XYLT1: variants seen among roughly 807,000 people sequenced by gnomAD.
XYLT1 encodes beta-D-xylosyltransferase 1.
XYLT1 carries 36 observed loss-of-function variants against 91.3 expected under a neutral mutation model. The observed-to-expected ratio is 0.39, with a 90% CI of 0.30 to 0.52. The LOEUF (loss-of-function observed/expected upper bound fraction) is 0.52, where lower values mean the gene tolerates loss of function less well. XYLT1 is among the 20% of genes least tolerant of loss of function. The pLI is 0.68. For missense variants in XYLT1, 1,242 were observed against 1,284.5 expected (o/e 0.97, Z 0.51); for synonymous variants, 588 against 532.0 (o/e 1.11, Z -1.45).
intron 2 of XYLT1, among the ~76,000 whole-genome samples, chr16:17,318,790 C>CTTTTTTTTTT (rs58376375): frequency 2.1e-5 from 3 of 142,642 alleles, no homozygotes. Context: ...TCTGCTTACT[C>CTTTTTTTTTT]TTTTTTTTTT....
chr16:17,327,562 C>T (rs1161499564), intron 2 of XYLT1, among the ~76,000 whole-genome samples: 3 of 137,480 alleles, frequency 2.2e-5, no homozygotes, highest in African/African-American at 5.5e-5. Flanking sequence ...CGGAGTTTCA[C>T]CGTGTTAGCC....
chr16:17,380,803 T>C (rs1034239570), intron 1 of XYLT1, among the ~76,000 whole-genome samples: 2 of 152,188 alleles, frequency 1.3e-5, no homozygotes, highest in Non-Finnish European at 2.9e-5. Flanking sequence ...ACACATACCA[T>C]GGACTAGTCA....
chr16:17,144,121 T>C (rs183115933), intron 6 of XYLT1, among the ~76,000 whole-genome samples: 79 of 149,348 alleles, frequency 5.3e-4, no homozygotes, highest in African/African-American at 1.9e-3. Flanking sequence ...TTTCTGTGAT[T>C]CTGTGATTAC....
chr16:17,150,659 GAGGGGAATCA>G (rs1441323724), intron 6 of XYLT1, among the ~76,000 whole-genome samples: 1 of 152,194 alleles, frequency 6.6e-6, no homozygotes, highest in African/African-American at 2.4e-5. Context: ...GAGTGGCAAT[GAGGGGAATCA>G]AGCCTTAGTG....
intron 3 of XYLT1, among the ~76,000 whole-genome samples, chr16:17,219,237 T>C (rs1429624277): frequency 7.5e-6 from 1 of 133,246 alleles, no homozygotes; most frequent in African/African-American, 2.8e-5. Context: ...GCTGAGGTCG[T>C]GCCACTGTGC....
intron 1 of XYLT1, among the ~76,000 whole-genome samples, chr16:17,400,629 GAGGAAGGAAGGA>G (rs139881259): frequency 0.078 from 10,386 of 132,662 alleles, 485 homozygotes; most frequent in African/African-American, 0.12. Flanking sequence ...GGGAGGAAGG[GAGGAAGGAAGGA>G]AGGAAGGAAG....
chr16:17,264,325 T>C (rs2033769559), intron 2 of XYLT1, among the ~76,000 whole-genome samples: 1 of 152,234 alleles, frequency 6.6e-6, no homozygotes, highest in Non-Finnish European at 1.5e-5. Flanking sequence ...TAAACACGTG[T>C]ACTATCTGTC....
At chr16:17,211,531 T>C (rs551811963) in intron 3 of XYLT1, among the ~76,000 whole-genome samples, 6 of 152,300 alleles carry the variant, frequency 3.9e-5, no homozygotes, top group Admixed American at 2.0e-4. Context: ...TGTGGTTCTT[T>C]CACTCATGAG....
At chr16:17,188,904 G>A (rs544072588) in intron 5 of XYLT1, among the ~76,000 whole-genome samples, 6 of 152,168 alleles carry the variant, frequency 3.9e-5, no homozygotes, top group Non-Finnish European at 4.4e-5. Flanking sequence ...AAGAAGCTGC[G>A]ATTTGGACCC....
chr16:17,322,508 C>G (rs2034739645), intron 2 of XYLT1, among the ~76,000 whole-genome samples: 1 of 152,150 alleles, frequency 6.6e-6, no homozygotes, highest in Non-Finnish European at 1.5e-5. Context: ...CAGAATCTGG[C>G]TCACTCCCAC....
At chr16:17,270,794 GCACA>G (rs1441502795) in intron 2 of XYLT1, among the ~76,000 whole-genome samples, 1 of 152,188 alleles carries the variant, frequency 6.6e-6, no homozygotes, top group African/African-American at 2.4e-5. Flanking sequence ...GCCCATTCGT[GCACA>G]CACTGAAGGT....
intron 3 of XYLT1, among the ~76,000 whole-genome samples, chr16:17,235,168 G>C: frequency 6.6e-6 from 1 of 152,112 alleles, no homozygotes; most frequent in East Asian, 1.9e-4. Context: ...ACTGATGCCT[G>C]ATTAAATGTA....
chr16:17,428,376 C>T (rs897545339), intron 1 of XYLT1, among the ~76,000 whole-genome samples: 1 of 152,190 alleles, frequency 6.6e-6, no homozygotes, highest in African/African-American at 2.4e-5. Flanking sequence ...GACCCTGTCA[C>T]TTTCCAGCTG....
At chr16:17,258,797 CA>C (rs1330132102) in intron 3 of XYLT1, among the ~76,000 whole-genome samples, 190 bp downstream of exon 3, 2 of 151,824 alleles carry the variant, frequency 1.3e-5, no homozygotes, top group African/African-American at 4.8e-5. Context: ...TCTGATTTTG[CA>C]AAATTTTTCT....
At chr16:17,447,571 T>C (rs1445728008) in intron 1 of XYLT1, among the ~76,000 whole-genome samples, 1 of 152,260 alleles carries the variant, frequency 6.6e-6, no homozygotes, top group African/African-American at 2.4e-5. Flanking sequence ...CAGGGGCTCA[T>C]ATTTTAAGAC....
chr16:17,120,664 T>TA (rs1297903498), intron 10 of XYLT1, among the ~76,000 whole-genome samples: 3 of 152,150 alleles, frequency 2.0e-5, no homozygotes, highest in Non-Finnish European at 4.4e-5. Flanking sequence ...ACCCCCACAG[T>TA]ACTGCATCTT....
intron 3 of XYLT1, among the ~76,000 whole-genome samples, chr16:17,214,461 G>A (rs958516741): frequency 1.3e-5 from 2 of 152,130 alleles, no homozygotes; most frequent in Admixed American, 1.3e-4. Flanking sequence ...TCTGAACCTG[G>A]GGCATTATGT....
At chr16:17,430,886 G>A (rs899536509) in intron 1 of XYLT1, among the ~76,000 whole-genome samples, 2 of 152,000 alleles carry the variant, frequency 1.3e-5, no homozygotes, top group Non-Finnish European at 2.9e-5. Flanking sequence ...AAGTAAACTG[G>A]GGCTGAACAG....
intron 5 of XYLT1, among the ~76,000 whole-genome samples, chr16:17,183,898 C>T (rs1240322618): frequency 6.6e-6 from 1 of 152,104 alleles, no homozygotes; most frequent in African/African-American, 2.4e-5. Flanking sequence ...GGATCCTATA[C>T]TCAGTCAAAT....
Sources: gnomAD v4.1 joint callset for allele counts (sites outside exome capture counted in the v4.1 genomes callset) on GRCh38, gnomAD v4.1.1 for gene constraint, MANE v1.5 for transcripts, NCBI Gene and HGNC (gene_info 2026-07-23, HGNC 2026-07-21) for gene names.